Variants in LRP10 observed in about 807,000 individuals in gnomAD.
LRP10 encodes the protein LDL receptor related protein 10, also known as low-density lipoprotein receptor-related protein 10.
LRP10 carries 42 observed loss-of-function variants against 58.5 expected under a neutral mutation model. The ratio of observed to expected loss-of-function variants is 0.72; its 90% CI spans 0.56 to 0.93. The LOEUF is 0.93. Ranked by LOEUF, LRP10 falls within the 40% of genes least tolerant of loss-of-function variation. LRP10 has a pLI of 0.00. For synonymous variants in LRP10, 377 were observed against 388.5 expected (o/e 0.97, Z 0.35); for missense variants, 872 against 940.1 (o/e 0.93, Z 0.95).
At position 22,873,568 on chromosome 14, in the gene LRP10, G is replaced by A. The variant is rs1204222941; in HGVS notation, c.215+122G>A. The A allele has an allele frequency of 1.6e-4, 200 of 1,252,192 alleles. 1 individual carries two copies. Among genetic ancestry groups the A allele is most frequent in the Admixed American group, 6.1e-4 (23 of 37,742 alleles). 77.6% of individuals were successfully genotyped at this position (1,252,192 alleles called of 1,614,324 possible). The stretch of plus-strand genomic sequence containing the variant: ...AGACGGAGTTTCACTCTTGTCACCC[G>A]GGCTGGAGTGCAATGGCGCGATCTC... On this transcript the variant is annotated intron_variant, in intron 3 of 6. Coordinates refer to ENST00000359591, the MANE Select transcript of LRP10 (RefSeq NM_014045.5).
At position 22,876,347 on chromosome 14, in the gene LRP10, T is replaced by C; in HGVS notation, c.1399T>C (p.Tyr467His). The C allele has an allele frequency of 6.2e-7, 1 of 1,613,986 alleles. No homozygotes were observed. ...CGCCCTGGGCTGCACCTGCAAGCTCTATGCCATTCGCACCCAGGAGTACAG... is the reference window on the plus strand; with the variant it reads ...CGCCCTGGGCTGCACCTGCAAGCTCCATGCCATTCGCACCCAGGAGTACAG... ...VIALGCTCKL[Y>H]AIRTQEYSIF... Residue 467 changes from tyrosine (Y) to histidine (H), a missense_variant, in exon 5 of 7, where the codon TAT becomes CAT. By Grantham distance (83) the Tyr-to-His change is moderately conservative. Transcript: ENST00000359591.
rs1003158657 is a variant in LRP10, at chr14:22,876,739, C to T, written c.1475C>T (p.Ala492Val). The change falls in exon 6 of 7, where the codon GCA (alanine) becomes GTA (valine). Residue 492 changes from alanine to valine, a missense_variant. Ala to Val is a moderately conservative substitution (Grantham distance 64). Transcript: ENST00000359591. Reference protein sequence around the residue: ...RMEAEIVQQQAPPSYGQLIAQ... With the variant: ...RMEAEIVQQQVPPSYGQLIAQ... ...GAGGCTGAGATTGTGCAGCAGCAGG[C>T]ACCCCCTTCCTACGGGCAGCTCATT... The T allele has an allele frequency of 6.2e-7, 1 of 1,614,032 alleles. No individual in the cohort carries two copies. Among genetic ancestry groups the T allele is most frequent in the East Asian group, 2.2e-5 (1 of 44,890 alleles).
rs1437160707 is a variant in LRP10 at position 22,872,793 on chromosome 14, G to A, written c.79+11G>A. On this transcript the variant is annotated intron_variant, in intron 2 of 6. Coordinates refer to ENST00000359591, the MANE Select transcript of LRP10 (RefSeq NM_014045.5). Reference sequence around the variant, plus strand: ...TTTTTCCAAATCATGGTGAGTTGAGGGAACCTCTGGGGCTCCGTGGGCTTG... The same window carrying A: ...TTTTTCCAAATCATGGTGAGTTGAGAGAACCTCTGGGGCTCCGTGGGCTTG... The A allele has an allele frequency of 6.2e-7, 1 of 1,614,082 alleles. No individual in the cohort carries two copies. The highest frequency in any genetic ancestry group is 1.7e-5 in the Admixed American group (1 of 60,014).
rs2039960824 is a variant in LRP10, at chr14:22,872,152, C to G, written c.-152C>G. 5 of 749,232 alleles carry G rather than the reference C, an allele frequency of 6.7e-6. No homozygotes were observed. Among genetic ancestry groups the G allele is most frequent in the South Asian group, 3.0e-5 (2 of 66,288 alleles). 46.4% of individuals were successfully genotyped at this position (749,232 alleles called of 1,614,324 possible). A position where few individuals can be genotyped will look rare whatever the true frequency, so the allele number is the denominator to read the frequency against. ...GCTGCCGCCGCCTCCCCGCCCCCAG[C>G]CCTGGCATCCAGAGTACGGGTCGAG... On this transcript the variant is annotated 5_prime_UTR_variant, in exon 1 of 7. Transcript: ENST00000359591.
chr14:22,877,599 G>A lies in LRP10; in HGVS notation c.*72G>A. ...CATAGTGGCACAACCTTTTAGAGGT[G>A]GGTCAGCCTCCCCTCCACCACTTCC... On this transcript the variant is annotated 3_prime_UTR_variant, in exon 7 of 7. Coordinates refer to ENST00000359591, the MANE Select transcript of LRP10 (RefSeq NM_014045.5). This position sits in a 1 kb window ranked among gnomAD's most constrained non-coding sequence, Gnocchi z 5.1. The A allele has an allele frequency of 2.4e-6, 3 of 1,228,204 alleles. No individual in the cohort carries two copies. The highest frequency in any genetic ancestry group is 2.2e-6 in the Non-Finnish European group (2 of 911,416). The allele number at this position is 1,228,204 out of a possible 1,614,324, so 76.1% of individuals were successfully genotyped here.
rs961142565 is a variant in LRP10 at position 22,880,463 on chromosome 14, C to T, written c.*2936C>T. ...GTAGCTCACACCTGTAATCCCAGCACTTTGGAGGGGCCAAGGCAGGCGGAT... is the reference window on the plus strand; with the variant it reads ...GTAGCTCACACCTGTAATCCCAGCATTTTGGAGGGGCCAAGGCAGGCGGAT... On this transcript the variant is annotated 3_prime_UTR_variant, in exon 7 of 7. Coordinates refer to ENST00000359591, the MANE Select transcript of LRP10 (RefSeq NM_014045.5). 2.6e-5 allele frequency: 4 copies of T among 152,070 alleles called. No homozygotes were observed. Among genetic ancestry groups the T allele is most frequent in the African/African-American group, 9.7e-5 (4 of 41,358 alleles). The allele number at this position is 152,070 out of a possible 1,614,324, so 9.4% of individuals were successfully genotyped here. A position where few individuals can be genotyped will look rare whatever the true frequency, so the allele number is the denominator to read the frequency against.
At chr14:22,874,617 G>T (rs2039983943) in intron 3 of LRP10, among the ~76,000 whole-genome samples, 1 of 152,372 alleles carries the variant, frequency 6.6e-6, no homozygotes, top group Non-Finnish European at 1.5e-5. Flanking sequence ...GCCGGGCATG[G>T]TGGCTCACGC....
At chr14:22,874,957 A>G (rs1257000110) in intron 3 of LRP10, 98 bp from the exon 4 acceptor site, 20 of 777,582 alleles carry the variant, frequency 2.6e-5, no homozygotes, top group Non-Finnish European at 3.9e-6. Flanking sequence ...GCAGATGTTT[A>G]TGCTTCCTGG....
rs755756828 is a variant in LRP10, at chr14:22,877,028, A to G, written c.1643A>G (p.Gln548Arg). Residue 548 changes from glutamine to arginine, a missense_variant, in exon 7 of 7, where the codon CAG (glutamine) becomes CGG (arginine). Gln to Arg is a conservative substitution (Grantham distance 43, BLOSUM62 1). Coordinates refer to ENST00000359591, the MANE Select transcript of LRP10 (RefSeq NM_014045.5). This position sits in a 1 kb window ranked among gnomAD's most constrained non-coding sequence, Gnocchi z 5.1. ...PGGGPGARRR[Q>R]RGRLMRRLVR... ...GGTGGCCCAGGTGCCCGCCGTCGTC[A>G]GCGGGGCCGCTTGATGCGACGCCTG... The G allele has an allele frequency of 7.4e-6, 12 of 1,613,344 alleles. No individual in the cohort carries two copies. The highest frequency in any genetic ancestry group is 8.5e-6 in the Non-Finnish European group (10 of 1,179,684).
At position 22,877,767 on chromosome 14, in the gene LRP10, C is replaced by CGGCG; in HGVS notation, c.*240_*241insGGCG. On this transcript the variant is annotated 3_prime_UTR_variant, in exon 7 of 7. Transcript: ENST00000359591. This position sits in a 1 kb window ranked among gnomAD's most constrained non-coding sequence, Gnocchi z 5.1. Reference sequence around the variant, plus strand: ...CCATGGCCAGACACCCCAGTCCCTTCACCACCACCTGCTCCCCACGCCACC... The same window carrying CGGCG: ...CCATGGCCAGACACCCCAGTCCCTTCGGCGACCACCACCTGCTCCCCACGCCACC... The CGGCG allele has an allele frequency of 2.4e-6, 1 of 418,896 alleles. No individual in the cohort carries two copies. Among genetic ancestry groups the CGGCG allele is most frequent in the Non-Finnish European group, 4.2e-6 (1 of 237,760 alleles). 25.9% of individuals were successfully genotyped at this position (418,896 alleles called of 1,614,324 possible).
Position 22,876,115 on chromosome 14 carries a change from T to G in LRP10, c.1167T>G (p.Asp389Glu). 6.2e-7 allele frequency: 1 copy of G among 1,614,168 alleles called. No individual in the cohort carries two copies. The highest frequency in any genetic ancestry group is 8.5e-7 in the Non-Finnish European group (1 of 1,180,036). The change falls in exon 5 of 7, where the codon GAT becomes GAG. Residue 389 changes from aspartate to glutamate, a missense_variant. Transcript: ENST00000359591. ...DRCNYQTFCA[D>E]GADERRCRHC... ...GCAACTACCAGACTTTCTGTGCTGA[T>G]GGAGCAGATGAGAGACGCTGTCGGC... is the stretch of plus-strand genomic sequence containing the variant.
In LRP10 at chr14:22,877,514, C is replaced by G; in HGVS notation, c.2129C>G (p.Pro710Arg). ...GVWVAEAEDE[P>R]LLT ...TGGGTAGCTGAGGCAGAGGATGAGC[C>G]ACTGCTTACCTGAGGGGACCTGGGG... is the stretch of plus-strand genomic sequence containing the variant. Residue 710 changes from proline to arginine, a missense_variant, in exon 7 of 7, where the codon CCA becomes CGA. By Grantham distance (103) the Pro-to-Arg change is moderately radical. Transcript: ENST00000359591. The surrounding 1 kb of genome is among the most constrained non-coding windows in gnomAD (Gnocchi z 5.1). 6.2e-7 allele frequency: 1 copy of G among 1,601,518 alleles called. No individual in the cohort carries two copies. The highest frequency in any genetic ancestry group is 1.1e-5 in the South Asian group (1 of 89,848).
At position 22,873,378 on chromosome 14, in the gene LRP10, C is replaced by A. The variant is rs1344666990; in HGVS notation, c.147C>A (p.Asp49Glu). ...QGTLQRPLVR[D>E]SRTSPANCTW... Reference sequence around the variant, plus strand: ...CCTTACAGAGGCCCCTGGTCCGGGACAGCCGCACCTCCCCTGCCAACTGCA... The same window carrying A: ...CCTTACAGAGGCCCCTGGTCCGGGAAAGCCGCACCTCCCCTGCCAACTGCA... Residue 49 changes from aspartate to glutamate, a missense_variant, in exon 3 of 7, where the codon GAC becomes GAA. Transcript: ENST00000359591. 1 of 1,614,120 alleles carries A rather than the reference C, an allele frequency of 6.2e-7. No individual in the cohort carries two copies.
In LRP10 at chr14:22,875,715, CT is replaced by C; in HGVS notation, c.768del (p.Glu257ArgfsTer61). ...AVHVYDGPGPPESSRLLRSLT... is the reference protein window; with the variant it reads ...AVHVYDGPGPXESSRLLRSLT... ...CATGTGTATGACGGCCCTGGGCCCC[CT>C]GAGAGCTCCCGACTACTGCGTAGTC... On this transcript the variant is annotated frameshift_variant, in exon 5 of 7. Coordinates refer to ENST00000359591, the MANE Select transcript of LRP10 (RefSeq NM_014045.5). LOFTEE classifies it high-confidence loss of function. 1 of 1,613,872 alleles carries C rather than the reference CT, an allele frequency of 6.2e-7. No homozygotes were observed. The highest frequency in any genetic ancestry group is 1.1e-5 in the South Asian group (1 of 91,082).
In LRP10 at chr14:22,878,019, TATTCCATA is replaced by T. The variant is rs1285598599; in HGVS notation, c.*493_*500del. 2 of 153,742 alleles carry T rather than the reference TATTCCATA, an allele frequency of 1.3e-5. No homozygotes were observed. Among genetic ancestry groups the T allele is most frequent in the Non-Finnish European group, 2.9e-5 (2 of 69,108 alleles). The allele number at this position is 153,742 out of a possible 1,614,324, so 9.5% of individuals were successfully genotyped here. On this transcript the variant is annotated 3_prime_UTR_variant, in exon 7 of 7. Coordinates refer to ENST00000359591, the MANE Select transcript of LRP10 (RefSeq NM_014045.5). Reference sequence around the variant, plus strand: ...ACAAAAAGAGTGCAACAAATGCTTCTATTCCATAGCTACGGCATTGCTCAGTAAGTTGA... The same window carrying T: ...ACAAAAAGAGTGCAACAAATGCTTCTGCTACGGCATTGCTCAGTAAGTTGA...
chr14:22,873,970 A>G (rs1336927075), intron 3 of LRP10, among the ~76,000 whole-genome samples: 1 of 152,176 alleles, frequency 6.6e-6, no homozygotes, highest in Non-Finnish European at 1.5e-5. Context: ...TGGAGTGGAC[A>G]TCTAGCTTGA....
chr14:22,878,919 C>G lies in LRP10; in HGVS notation c.*1392C>G. On this transcript the variant is annotated 3_prime_UTR_variant, in exon 7 of 7. Transcript: ENST00000359591. ...CTGCCCCAGAGTTTGGAAGGAAGATCGAGGCAGAAGATGTAGAAGGAAGCT... is the reference window on the plus strand; with the variant it reads ...CTGCCCCAGAGTTTGGAAGGAAGATGGAGGCAGAAGATGTAGAAGGAAGCT... The G allele has an allele frequency of 7.5e-6, 2 of 267,442 alleles. No homozygotes were observed. The highest frequency in any genetic ancestry group is 7.9e-6 in the Non-Finnish European group (1 of 126,272). The allele number at this position is 267,442 out of a possible 1,614,324, so 16.6% of individuals were successfully genotyped here.
chr14:22,875,585 T>A lies in LRP10; in HGVS notation c.637T>A (p.Ser213Thr). 1 of 1,614,106 alleles carries A rather than the reference T, an allele frequency of 6.2e-7. No individual in the cohort carries two copies. The highest frequency in any genetic ancestry group is 8.5e-7 in the Non-Finnish European group (1 of 1,180,006). Residue 213 changes from serine (S) to threonine (T), a missense_variant, in exon 5 of 7, where the codon TCA becomes ACA. Physicochemically the swap from Ser to Thr is moderately conservative, Grantham distance 58. Transcript: ENST00000359591. Reference sequence around the variant, plus strand: ...CTCTCCTGGATATACACACCTAGCCTCAGTCTCCCACCCCCAGTCCTGCCA... The same window carrying A: ...CTCTCCTGGATATACACACCTAGCCACAGTCTCCCACCCCCAGTCCTGCCA... ...FSSPGYTHLA[S>T]VSHPQSCHWL...
In LRP10 at chr14:22,881,302, C is replaced by T. The variant is rs966955568; in HGVS notation, c.*3775C>T. The stretch of plus-strand genomic sequence containing the variant: ...GAGGTTACAGTGAGCCATGATCGCA[C>T]CACTGCAGTCCAGCCCGAGCAATAG... On this transcript the variant is annotated 3_prime_UTR_variant, in exon 7 of 7. Transcript: ENST00000359591. 13 of 152,206 alleles carry T rather than the reference C, an allele frequency of 8.5e-5. No homozygotes were observed. The highest frequency in any genetic ancestry group is 1.6e-4 in the Non-Finnish European group (11 of 68,042). 9.4% of individuals were successfully genotyped at this position (152,206 alleles called of 1,614,324 possible).
Sources: allele counts gnomAD v4.1 joint callset (sites outside exome capture counted in the v4.1 genomes callset), GRCh38; gene constraint gnomAD v4.1.1; non-coding constraint Gnocchi (gnomAD v3.1); transcripts MANE v1.5; gene names NCBI Gene and HGNC (gene_info 2026-07-23, HGNC 2026-07-21).